Variants in PIWIL2 observed in about 807,000 individuals in gnomAD.
PIWIL2 encodes piwi like RNA-mediated gene silencing 2.
A neutral mutation model predicts 116.5 loss-of-function variants in PIWIL2; 81 were observed. The ratio of observed to expected loss-of-function variants is 0.70; its 90% CI spans 0.58 to 0.84. The LOEUF is 0.84. Ranked by LOEUF, PIWIL2 falls within the 40% of genes least tolerant of loss-of-function variation. The probability of loss-of-function intolerance (pLI) is 0.00; values close to 1 mark genes in which losing one functional copy is unlikely to be tolerated. For missense variants in PIWIL2, 1,272 were observed against 1,212.3 expected (o/e 1.05, Z -0.73); for synonymous variants, 489 against 429.5 (o/e 1.14, Z -1.71).
chr8:22,327,218 G>A (rs1424264790), intron 20 of PIWIL2, among the ~76,000 whole-genome samples: 1 of 151,476 alleles, frequency 6.6e-6, no homozygotes, highest in Non-Finnish European at 1.5e-5. Context: ...TTTGTTTTTA[G>A]TAGAGATGGG....
chr8:22,321,522 G>A (rs1563399483), intron 20 of PIWIL2, among the ~76,000 whole-genome samples: 1 of 151,836 alleles, frequency 6.6e-6, no homozygotes, highest in Non-Finnish European at 1.5e-5. Context: ...TATTTAAACT[G>A]TTTTGCAAAA....
intron 18 of PIWIL2, 85 bp from the exon 19 acceptor site, chr8:22,316,160 C>T: frequency 1.3e-6 from 1 of 784,976 alleles, no homozygotes; most frequent in Admixed American, 2.0e-5. Flanking sequence ...GGGGAGGTTG[C>T]TTTGGGATTC....
chr8:22,297,886 T>A lies in PIWIL2; in HGVS notation c.1182-6135T>A, dbSNP rs78747738. Among the ~76,000 whole-genome samples the A allele has an allele frequency of 5.8e-3, 882 of 152,254 alleles. 5 individuals are homozygous for A. Among genetic ancestry groups the A allele is most frequent in the South Asian group, 0.022 (108 of 4,820 alleles). On this transcript the variant is annotated intron_variant, in intron 10 of 22. Coordinates refer to ENST00000356766, the MANE Select transcript of PIWIL2 (RefSeq NM_018068.5). ...TTCTAAAGAGCACTGTTTTCTATGTTGAGCAGAAAAGACAGTCCGGAACAA... is the reference window on the plus strand; with the variant it reads ...TTCTAAAGAGCACTGTTTTCTATGTAGAGCAGAAAAGACAGTCCGGAACAA...
intron 16 of PIWIL2, 55 bp from the exon 17 acceptor site, chr8:22,314,273 T>G: frequency 1.0e-6 from 1 of 960,178 alleles, no homozygotes. Context: ...TAGAGTCCTG[T>G]AAAAGTCCCC....
At chr8:22,322,021 G>A (rs573694759) in intron 20 of PIWIL2, 2 of 699,758 alleles carry the variant, frequency 2.9e-6, no homozygotes, top group African/African-American at 4.0e-5. Flanking sequence ...TACTGTTTTG[G>A]TTTTTTTTTT....
intron 10 of PIWIL2, among the ~76,000 whole-genome samples, chr8:22,292,791 G>A (rs1830794673): frequency 6.6e-6 from 1 of 152,204 alleles, no homozygotes; most frequent in African/African-American, 2.4e-5. Context: ...TTAAAGCAGA[G>A]GGGACATCTT....
chr8:22,317,136 G>C (rs908958227), intron 19 of PIWIL2, among the ~76,000 whole-genome samples: 1 of 152,148 alleles, frequency 6.6e-6, no homozygotes, highest in Non-Finnish European at 1.5e-5. Flanking sequence ...GCTGAAGAGC[G>C]ACCTCCTCCA....
chr8:22,349,038 A>ATTTTTCT (rs1285578460), intron 20 of PIWIL2, among the ~76,000 whole-genome samples: 2 of 133,954 alleles, frequency 1.5e-5, no homozygotes, highest in East Asian at 4.6e-4. Context: ...TTTGATTTCT[A>ATTTTTCT]TTTTTCTTTT....
intron 10 of PIWIL2, among the ~76,000 whole-genome samples, chr8:22,301,982 A>T (rs184183633): frequency 1.7e-3 from 256 of 152,236 alleles, no homozygotes; most frequent in Non-Finnish European, 2.5e-3. Flanking sequence ...CCCTCTGAGC[A>T]CTGCATTAGC....
intron 20 of PIWIL2, among the ~76,000 whole-genome samples, chr8:22,350,176 G>T (rs1230459327): frequency 6.6e-6 from 1 of 152,174 alleles, no homozygotes; most frequent in African/African-American, 2.4e-5. Flanking sequence ...GGAAACCTTG[G>T]GTTGGGCTAG....
At chr8:22,342,597 A>G (rs764328970) in intron 20 of PIWIL2, among the ~76,000 whole-genome samples, 4 of 152,256 alleles carry the variant, frequency 2.6e-5, no homozygotes, top group African/African-American at 9.6e-5. Flanking sequence ...TGCATAGACC[A>G]TACACGTTTT....
At chr8:22,334,005 C>T (rs1831922543) in intron 20 of PIWIL2, among the ~76,000 whole-genome samples, 1 of 149,550 alleles carries the variant, frequency 6.7e-6, no homozygotes, top group African/African-American at 2.5e-5. Context: ...TTTTTTCACT[C>T]GTTGCCCAGG....
At chr8:22,282,274 A>G (rs1306548676) in intron 4 of PIWIL2, among the ~76,000 whole-genome samples, 31 of 54,204 alleles carry the variant, frequency 5.7e-4, no homozygotes, top group Admixed American at 8.6e-4. Context: ...TTTTTTTTGG[A>G]GACAGTCTCA....
In PIWIL2 at chr8:22,353,212, GGTAA is replaced by G. The variant is rs2132115462; in HGVS notation, c.2657+3_2657+6del. Reference sequence around the variant, plus strand: ...GATCATACAATAACAAGCTGTGAGTGGTAAGTGAGCAAAATATGTAGTATTGGAG... The same window carrying G: ...GATCATACAATAACAAGCTGTGAGTGGTGAGCAAAATATGTAGTATTGGAG... On this transcript the variant is annotated splice_donor_variant and splice_donor_region_variant and intron_variant, in intron 21 of 22. Transcript: ENST00000356766. LOFTEE classifies it high-confidence loss of function. 6.2e-7 allele frequency: 1 copy of G among 1,607,964 alleles called. No individual in the cohort carries two copies. The highest frequency in any genetic ancestry group is 2.2e-5 in the East Asian group (1 of 44,764).
chr8:22,332,787 A>G (rs979093746), intron 20 of PIWIL2, among the ~76,000 whole-genome samples: 3 of 152,236 alleles, frequency 2.0e-5, no homozygotes, highest in Middle Eastern at 3.4e-3. Context: ...TTGCATGGCA[A>G]ATAAAAAATA....
intron 19 of PIWIL2, among the ~76,000 whole-genome samples, chr8:22,317,219 A>G (rs1180451124): frequency 1.3e-5 from 2 of 152,152 alleles, no homozygotes; most frequent in South Asian, 2.1e-4. Context: ...GTTTGTTCCA[A>G]CTGTAAAAAT....
chr8:22,296,144 C>T (rs1487567021), intron 10 of PIWIL2, among the ~76,000 whole-genome samples: 1 of 151,126 alleles, frequency 6.6e-6, no homozygotes, highest in Non-Finnish European at 1.5e-5. Flanking sequence ...CAACTTCCAC[C>T]TCCCAGGTTC....
chr8:22,345,328 T>C (rs900592846), intron 20 of PIWIL2, among the ~76,000 whole-genome samples: 2 of 152,196 alleles, frequency 1.3e-5, no homozygotes, highest in Non-Finnish European at 2.9e-5. Context: ...TATACACAAA[T>C]GTTCGTAGCA....
chr8:22,343,557 C>T (rs769186434), intron 20 of PIWIL2, among the ~76,000 whole-genome samples: 19 of 152,312 alleles, frequency 1.2e-4, no homozygotes, highest in Admixed American at 2.0e-4. Context: ...GAGATTGTAC[C>T]ACTGCACTTC....
Sources: allele counts gnomAD v4.1 joint callset (sites outside exome capture counted in the v4.1 genomes callset), GRCh38; gene constraint gnomAD v4.1.1; transcripts MANE v1.5; gene names NCBI Gene and HGNC (gene_info 2026-07-23, HGNC 2026-07-21).